IMMP2L: variants seen among roughly 807,000 people sequenced by gnomAD.
IMMP2L encodes the protein inner mitochondrial membrane peptidase subunit 2.
IMMP2L carries 18 observed loss-of-function variants against 19.3 expected under a neutral mutation model. The observed-to-expected ratio is 0.93, with a 90% confidence interval of 0.64 to 1.38. The LOEUF (loss-of-function observed/expected upper bound fraction) is 1.38. Ranked by LOEUF, IMMP2L falls within the 40% of genes most tolerant of loss-of-function variation. The pLI, the probability that IMMP2L is intolerant of heterozygous loss-of-function variation, is 0.00. For synonymous variants in IMMP2L, 76 were observed against 73.0 expected (o/e 1.04, Z -0.21); for missense variants, 233 against 218.2 (o/e 1.07, Z -0.43).
chr7:110,902,038 T>C (rs1460509242), intron 4 of IMMP2L, among the ~76,000 whole-genome samples: 2 of 152,082 alleles, frequency 1.3e-5, no homozygotes, highest in Admixed American at 6.6e-5. Context: ...CCACAAGTTA[T>C]GGTAATTTTA....
intron 3 of IMMP2L, among the ~76,000 whole-genome samples, chr7:111,464,812 C>A (rs756700398): frequency 8.6e-5 from 13 of 151,884 alleles, no homozygotes; most frequent in African/African-American, 2.9e-4. Context: ...TTTCCCGAAA[C>A]GGAGCCTAGC....
At chr7:111,056,820 T>A (rs1383964266) in intron 3 of IMMP2L, among the ~76,000 whole-genome samples, 1 of 152,112 alleles carries the variant, frequency 6.6e-6, no homozygotes, top group Non-Finnish European at 1.5e-5. Context: ...AAGGTCTTCA[T>A]CCTCAATCAT....
At chr7:110,985,635 G>C (rs780076635) in intron 3 of IMMP2L, among the ~76,000 whole-genome samples, 1 of 152,078 alleles carries the variant, frequency 6.6e-6, no homozygotes, top group Middle Eastern at 3.4e-3. Context: ...AATTTTTATA[G>C]AAATAAACTC....
At chr7:111,253,075 T>C (rs1390018255) in intron 3 of IMMP2L, among the ~76,000 whole-genome samples, 4 of 152,126 alleles carry the variant, frequency 2.6e-5, no homozygotes, top group Admixed American at 1.3e-4. Context: ...ATATAAAATA[T>C]GGTGAGAAAT....
chr7:111,233,664 T>A (rs186259131), intron 3 of IMMP2L, among the ~76,000 whole-genome samples: 1 of 152,246 alleles, frequency 6.6e-6, no homozygotes, highest in Non-Finnish European at 1.5e-5. Context: ...TATATTTGTT[T>A]GAATAGTATC....
intron 4 of IMMP2L, among the ~76,000 whole-genome samples, chr7:110,952,696 C>A (rs1021493541): frequency 2.0e-5 from 3 of 152,112 alleles, no homozygotes; most frequent in Non-Finnish European, 1.5e-5. Context: ...TCCTGCTAGG[C>A]TCTGTGTTGA....
chr7:111,036,104 A>G (rs1791321156), intron 3 of IMMP2L, among the ~76,000 whole-genome samples: 1 of 152,154 alleles, frequency 6.6e-6, no homozygotes, highest in Non-Finnish European at 1.5e-5. Flanking sequence ...CTTTGCTACC[A>G]AACTACATCA....
intron 4 of IMMP2L, among the ~76,000 whole-genome samples, chr7:110,923,308 G>A (rs201751077): frequency 3.3e-5 from 5 of 152,042 alleles, no homozygotes; most frequent in East Asian, 1.9e-4. Context: ...GAGAAACTCC[G>A]GTAAAAAGCA....
rs191183340 is a variant in IMMP2L, at chr7:111,538,428, T to C, written c.-2-16979A>G. Among the ~76,000 whole-genome samples, 56 of 152,144 alleles carry C rather than the reference T, an allele frequency of 3.7e-4. No homozygotes were observed. The East Asian group carries it at 9.3e-3, about 25-fold the overall frequency. ...CCATCTCTTACCTGATAGTTTTACT[T>C]CACAGCTGAAGATATTTATGAAGAA... is the stretch of plus-strand genomic sequence containing the variant. On this transcript the variant is annotated intron_variant, in intron 1 of 5. Transcript: ENST00000405709.
intron 1 of IMMP2L, among the ~76,000 whole-genome samples, chr7:111,529,304 T>C (rs1038291934): frequency 6.6e-6 from 1 of 152,158 alleles, no homozygotes; most frequent in Admixed American, 6.5e-5. Context: ...TGTGGTCTAA[T>C]ACAAGGATAA....
At chr7:110,934,720 C>CT (rs1815885839) in intron 4 of IMMP2L, among the ~76,000 whole-genome samples, 1 of 152,156 alleles carries the variant, frequency 6.6e-6, no homozygotes, top group Middle Eastern at 3.2e-3. Context: ...GTTAGCTCTT[C>CT]TTATTGCATT....
chr7:111,143,164 A>G (rs569252344), intron 3 of IMMP2L, among the ~76,000 whole-genome samples: 1 of 152,332 alleles, frequency 6.6e-6, no homozygotes, highest in East Asian at 1.9e-4. Context: ...CTGCCATTTT[A>G]TTACACAATG....
chr7:110,706,665 T>C lies in IMMP2L; in HGVS notation c.409-42944A>G, dbSNP rs545774993. 2.0e-5 allele frequency among the ~76,000 whole-genome samples: 3 copies of C among 152,146 alleles called. No homozygotes were observed. In the South Asian group the frequency reaches 6.2e-4, roughly 32 times the overall value. On this transcript the variant is annotated intron_variant, in intron 5 of 5. Coordinates refer to ENST00000405709, the MANE Select transcript of IMMP2L (RefSeq NM_032549.4). ...CTTGTATGTCTTCTTTCAAGAAGTG[T>C]CCATGTCTTTTGCCCACTTTTTAAT...
intron 3 of IMMP2L, among the ~76,000 whole-genome samples, chr7:111,143,587 A>G (rs528914072): frequency 2.8e-3 from 421 of 152,300 alleles, no homozygotes; most frequent in Non-Finnish European, 5.3e-3. Flanking sequence ...TCCTTTGCTT[A>G]TAAATTCCTG....
At chr7:111,369,202 A>G (rs181259949) in intron 3 of IMMP2L, among the ~76,000 whole-genome samples, 1 of 152,066 alleles carries the variant, frequency 6.6e-6, no homozygotes, top group East Asian at 1.9e-4. Context: ...CATATCTTAG[A>G]AGATTTAGTG....
chr7:110,743,614 T>A (rs1232893566), intron 5 of IMMP2L, among the ~76,000 whole-genome samples: 2 of 152,104 alleles, frequency 1.3e-5, no homozygotes, highest in Non-Finnish European at 2.9e-5. Flanking sequence ...GACTGGTTGG[T>A]CAGTGGGTGC....
In IMMP2L at chr7:111,099,257, T is replaced by C. The variant is rs185182769; in HGVS notation, c.240-135692A>G. 8.2e-4 allele frequency among the ~76,000 whole-genome samples: 124 copies of C among 151,834 alleles called. 1 individual carries two copies. Among genetic ancestry groups the C allele is most frequent in the Non-Finnish European group, 1.2e-4 (8 of 67,770 alleles). ...TTATTTATAATAAGCTTTCCTTGTATCTAGTTCCAAATTTTAGACACTTTT... is the reference window on the plus strand; with the variant it reads ...TTATTTATAATAAGCTTTCCTTGTACCTAGTTCCAAATTTTAGACACTTTT... On this transcript the variant is annotated intron_variant, in intron 3 of 5. Transcript: ENST00000405709.
At position 111,496,927 on chromosome 7, in the gene IMMP2L, C is replaced by T. The variant is rs563979648; in HGVS notation, c.136-9586G>A. ...ATAGATAGATAGATAGATAGATAGA[C>T]AGACAGACAGATAAATATCCTATTC... On this transcript the variant is annotated intron_variant, in intron 2 of 5. Transcript: ENST00000405709. 4.9e-4 allele frequency among the ~76,000 whole-genome samples: 68 copies of T among 139,426 alleles called. 1 individual carries two copies. Among genetic ancestry groups the T allele is most frequent in the African/African-American group, 1.7e-3 (61 of 36,222 alleles). The allele number at this position is 139,426 out of a possible 152,430, so 91.5% of individuals were successfully genotyped here. A position where few individuals can be genotyped will look rare whatever the true frequency, so the allele number is the denominator to read the frequency against.
intron 4 of IMMP2L, among the ~76,000 whole-genome samples, chr7:110,887,447 A>C (rs891634341): frequency 6.6e-6 from 1 of 152,052 alleles, no homozygotes; most frequent in Non-Finnish European, 1.5e-5. Context: ...TTTTAGGCCA[A>C]TTTTTGGTAC....
Sources: gnomAD v4.1 joint callset for allele counts (sites outside exome capture counted in the v4.1 genomes callset) on GRCh38, gnomAD v4.1.1 for gene constraint, MANE v1.5 for transcripts, NCBI Gene and HGNC (gene_info 2026-07-23, HGNC 2026-07-21) for gene names.